CCNY: variants seen among roughly 807,000 people sequenced by gnomAD.
The protein encoded by CCNY is cyclin-Y.
A neutral mutation model predicts 42.8 loss-of-function variants in CCNY; 19 were observed. The ratio of observed to expected loss-of-function variants is 0.44; its 90% CI spans 0.31 to 0.65. The LOEUF is 0.65. Among genes scored for constraint, CCNY ranks in the 30% least tolerant of loss-of-function variants. The pLI is 0.07. For synonymous variants in CCNY, 165 were observed against 162.7 expected (o/e 1.01, Z -0.11); for missense variants, 370 against 437.3 (o/e 0.85, Z 1.37).
At chr10:35,457,848 G>A (rs1839071368) in intron 1 of CCNY, among the ~76,000 whole-genome samples, 2 of 152,142 alleles carry the variant, frequency 1.3e-5, no homozygotes. Context: ...TCAAAGTGCT[G>A]GGATTACAGG....
chr10:35,413,704 C>A (rs912724134), intron 1 of CCNY, among the ~76,000 whole-genome samples: 1 of 152,158 alleles, frequency 6.6e-6, no homozygotes, highest in Non-Finnish European at 1.5e-5. Context: ...GAGCGTTCAG[C>A]AGGAGAGAGT....
At chr10:35,505,719 T>C (rs1840202440) in intron 3 of CCNY, among the ~76,000 whole-genome samples, 1 of 152,244 alleles carries the variant, frequency 6.6e-6, no homozygotes, top group Admixed American at 6.5e-5. Context: ...TGTATTATTA[T>C]TGTCCATTGG....
intron 1 of CCNY, among the ~76,000 whole-genome samples, chr10:35,398,668 C>T (rs1837577506): frequency 6.6e-6 from 1 of 152,082 alleles, no homozygotes; most frequent in East Asian, 1.9e-4. Flanking sequence ...GTGGGGCTCT[C>T]CCTGCATTTT....
At chr10:35,406,200 A>ATTTT (rs1443305412) in intron 1 of CCNY, among the ~76,000 whole-genome samples, 13 of 104,460 alleles carry the variant, frequency 1.2e-4, no homozygotes, top group African/African-American at 2.3e-4. Context: ...TTTCTTTTTT[A>ATTTT]TTTTATTTAT....
chr10:35,527,130 A>G (rs1387156638), intron 5 of CCNY, among the ~76,000 whole-genome samples: 1 of 152,256 alleles, frequency 6.6e-6, no homozygotes, highest in Admixed American at 6.5e-5. Context: ...TCCATACTGT[A>G]ATTGTGATTC....
At chr10:35,480,371 C>A (rs935266194) in intron 1 of CCNY, among the ~76,000 whole-genome samples, 7 of 152,134 alleles carry the variant, frequency 4.6e-5, no homozygotes, top group Non-Finnish European at 1.0e-4. Context: ...AGTGGTCATT[C>A]CGCCTTTCCT....
At chr10:35,306,733 C>A (rs1835610926) in intron 3 of CCNY, among the ~76,000 whole-genome samples, 1 of 152,088 alleles carries the variant, frequency 6.6e-6, no homozygotes, top group African/African-American at 2.4e-5. Flanking sequence ...TTTCCTCCTT[C>A]ATTTTCTACA....
At chr10:35,384,358 G>A (rs1265946938) in intron 1 of CCNY, among the ~76,000 whole-genome samples, 2 of 152,132 alleles carry the variant, frequency 1.3e-5, no homozygotes, top group African/African-American at 4.8e-5. Context: ...CAAGAGAAAA[G>A]GAGCAGGTAG....
chr10:35,277,100 G>A (rs905033882), intron 3 of CCNY, among the ~76,000 whole-genome samples: 1 of 152,178 alleles, frequency 6.6e-6, no homozygotes, highest in Admixed American at 6.6e-5. Context: ...CCTTTGGTGT[G>A]TGCTCTCTTT....
At chr10:35,551,619 C>T (rs1306694814) in intron 7 of CCNY, among the ~76,000 whole-genome samples, 1 of 151,974 alleles carries the variant, frequency 6.6e-6, no homozygotes, top group Non-Finnish European at 1.5e-5. Flanking sequence ...GTAAGACGTA[C>T]TATCAATAAT....
intron 2 of CCNY, among the ~76,000 whole-genome samples, chr10:35,485,439 A>T (rs1206264148): frequency 6.6e-6 from 1 of 152,250 alleles, no homozygotes; most frequent in Non-Finnish European, 1.5e-5. Context: ...AAATAGGTAG[A>T]TTTGGGCTGG....
chr10:35,340,055 C>A (rs549517960), intron 1 of CCNY, among the ~76,000 whole-genome samples: 1 of 152,150 alleles, frequency 6.6e-6, no homozygotes, highest in African/African-American at 2.4e-5. Context: ...CACCAGCTGC[C>A]GCTCTAAGTA....
intron 1 of CCNY, among the ~76,000 whole-genome samples, chr10:35,367,176 G>A (rs1321809487): frequency 6.6e-6 from 1 of 152,116 alleles, no homozygotes; most frequent in Non-Finnish European, 1.5e-5. Context: ...TTTCATGTCA[G>A]TAAACACACT....
intron 1 of CCNY, among the ~76,000 whole-genome samples, chr10:35,402,620 C>T (rs542603437): frequency 1.3e-5 from 2 of 152,206 alleles, no homozygotes; most frequent in East Asian, 1.9e-4. Context: ...GGATTAGAAA[C>T]GTCTAGGAGA....
chr10:35,327,096 C>A (rs982216174), intron 3 of CCNY, among the ~76,000 whole-genome samples: 1 of 151,904 alleles, frequency 6.6e-6, no homozygotes, highest in Non-Finnish European at 1.5e-5. Context: ...AAAAATATTT[C>A]GCTAGGCTAT....
In CCNY at chr10:35,266,664, C is replaced by T. The variant is rs141587729; in HGVS notation, c.-9+16038C>T. On this transcript the variant is annotated intron_variant, in intron 3 of 11. Coordinates refer to the CCNY transcript ENST00000374706. ...AGAGATAGCCCTACAGTGGGTGATG[C>T]GGGGGGAATCGTTAGCATCAGGAAG... 4.4e-3 allele frequency among the ~76,000 whole-genome samples: 665 copies of T among 152,108 alleles called. 1 individual carries two copies. The highest frequency in any genetic ancestry group is 0.015 in the African/African-American group (631 of 41,492).
At chr10:35,365,854 A>G (rs1216961349) in intron 1 of CCNY, among the ~76,000 whole-genome samples, 2 of 152,208 alleles carry the variant, frequency 1.3e-5, no homozygotes, top group Admixed American at 1.3e-4. Context: ...AAAATAAGCT[A>G]AAAAATGATT....
chr10:35,520,399 G>A (rs1333237854), intron 4 of CCNY, among the ~76,000 whole-genome samples: 1 of 151,902 alleles, frequency 6.6e-6, no homozygotes, highest in Non-Finnish European at 1.5e-5. Flanking sequence ...TTTGCCTCCC[G>A]TTAACCCAGG....
intron 3 of CCNY, among the ~76,000 whole-genome samples, chr10:35,275,390 A>G (rs1835226300): frequency 1.3e-5 from 2 of 151,914 alleles, no homozygotes; most frequent in South Asian, 4.2e-4. Context: ...CCTGTGAGAG[A>G]AAGGAGTTCA....
Sources: allele counts gnomAD v4.1 joint callset (sites outside exome capture counted in the v4.1 genomes callset), GRCh38; gene constraint gnomAD v4.1.1; transcripts MANE v1.5; gene names NCBI Gene and HGNC (gene_info 2026-07-23, HGNC 2026-07-21).